The following WBP2NL variants were observed in gnomAD, a reference collection of about 807,000 sequenced individuals.
WBP2NL encodes WBP2 N-terminal like, also known as postacrosomal sheath WW domain-binding protein.
In WBP2NL, 27 loss-of-function variants were observed where a neutral mutation model predicts 23.3. The observed-to-expected ratio is 1.16, with a 90% CI of 0.85 to 1.60. WBP2NL has a LOEUF of 1.60. Among genes scored for constraint, WBP2NL ranks in the 40% most tolerant of loss-of-function variants. The probability of loss-of-function intolerance (pLI) is 0.00; values close to 1 mark genes in which losing one functional copy is unlikely to be tolerated. For missense variants in WBP2NL, 370 were observed against 389.5 expected, an observed-to-expected ratio of 0.95 and a Z score of 0.42; for synonymous variants, 151 against 145.9, an observed-to-expected ratio of 1.03 and a Z score of -0.25.
At chr22:42,020,273 CA>C (rs1923769074) in intron 4 of WBP2NL, among the ~76,000 whole-genome samples, 177 bp downstream of exon 4, 1 of 152,072 alleles carries the variant, frequency 6.6e-6, no homozygotes, top group Non-Finnish European at 1.5e-5. Flanking sequence ...CTCCTGAACT[CA>C]AATGATCCTC....
downstream of WBP2NL, among the ~76,000 whole-genome samples, chr22:42,035,416 G>A (rs780156090): frequency 5.8e-4 from 88 of 152,360 alleles, no homozygotes; most frequent in Non-Finnish European, 1.0e-3. Flanking sequence ...CTGCAGCCAC[G>A]GCTTGGGCGG....
At chr22:42,001,698 A>G (rs1192102159) in intron 1 of WBP2NL, 3 of 1,224,696 alleles carry the variant, frequency 2.4e-6, no homozygotes, top group Non-Finnish European at 3.6e-6. Context: ...TTATCTTTGA[A>G]GGTGAAGTTA....
intron 8 of WBP2NL, among the ~76,000 whole-genome samples, chr22:42,053,598 T>C (rs1351391502): frequency 3.3e-5 from 5 of 152,092 alleles, no homozygotes; most frequent in African/African-American, 4.8e-5. Flanking sequence ...TAGCTGGGAC[T>C]ACAGGTGCAT....
chr22:42,049,502 A>G (rs1925734842), intron 8 of WBP2NL, among the ~76,000 whole-genome samples: 1 of 151,988 alleles, frequency 6.6e-6, no homozygotes, highest in South Asian at 2.1e-4. Flanking sequence ...CATCCTGGCT[A>G]ACACGGTGAA....
At chr22:42,001,942 C>T (rs1165345746) in intron 1 of WBP2NL, 30 of 1,423,134 alleles carry the variant, frequency 2.1e-5, no homozygotes, top group Middle Eastern at 2.5e-4. Context: ...GAGTCCTTGG[C>T]GAAGGACACA....
chr22:42,001,833 A>T, intron 1 of WBP2NL: 1 of 1,322,576 alleles, frequency 7.6e-7, no homozygotes, highest in South Asian at 1.4e-5. Context: ...ATCTGCAGTG[A>T]TCTGCTTGCT....
At chr22:42,020,680 G>A (rs1923811100) in intron 4 of WBP2NL, among the ~76,000 whole-genome samples, 1 of 151,076 alleles carries the variant, frequency 6.6e-6, no homozygotes, top group African/African-American at 2.4e-5. Flanking sequence ...TTTCTTTGGT[G>A]TGGCTTTTTA....
Position 42,028,296 on chromosome 22 carries a change from A to G in WBP2NL, c.*1115A>G. 1 of 382,160 alleles carries G rather than the reference A, an allele frequency of 2.6e-6. No homozygotes were observed. The highest frequency in any genetic ancestry group is 4.6e-6 in the Non-Finnish European group (1 of 216,856). The allele number at this position is 382,160 out of a possible 1,614,324, so 23.7% of individuals were successfully genotyped here. A position where few individuals can be genotyped will look rare whatever the true frequency, so the allele number is the denominator to read the frequency against. ...CTCATCAGACTGAATGCCCCATTTT[A>G]TAACAAATATTTATATTTTATAACA... On this transcript the variant is annotated 3_prime_UTR_variant, in exon 6 of 6. Transcript: ENST00000328823.
chr22:42,021,043 C>T (rs1414393541), intron 4 of WBP2NL, among the ~76,000 whole-genome samples: 4 of 148,772 alleles, frequency 2.7e-5, no homozygotes, highest in Non-Finnish European at 4.5e-5. Flanking sequence ...CCTCAGCCTC[C>T]CAAGTAGCTG....
At chr22:42,051,092 G>A (rs535442846) in intron 8 of WBP2NL, among the ~76,000 whole-genome samples, 3 of 152,356 alleles carry the variant, frequency 2.0e-5, no homozygotes, top group Middle Eastern at 3.4e-3. Flanking sequence ...CAACAAAGAT[G>A]TCCTTGAATA....
downstream of WBP2NL, among the ~76,000 whole-genome samples, chr22:42,037,128 TTGTG>T (rs3045493): frequency 0.15 from 22,661 of 148,056 alleles, 2,006 homozygotes; most frequent in Non-Finnish European, 0.21. Context: ...CAGATTTCAT[TTGTG>T]TGTGTGTGTG....
intron 5 of WBP2NL, among the ~76,000 whole-genome samples, chr22:42,025,039 A>AT (rs767159856): frequency 1.3e-5 from 2 of 152,318 alleles, no homozygotes; most frequent in East Asian, 3.9e-4. Context: ...CTGAGCTCAA[A>AT]TGATCTGCCT....
rs1001515745 is a variant in WBP2NL, at chr22:42,017,912, G to A, written c.63-1399G>A. Among the ~76,000 whole-genome samples the A allele has an allele frequency of 8.5e-5, 13 of 152,072 alleles. 1 individual carries two copies. Among genetic ancestry groups the A allele is most frequent in the South Asian group, 4.1e-4 (2 of 4,826 alleles). On this transcript the variant is annotated intron_variant, in intron 1 of 5. Transcript: ENST00000328823. ...GCCTGTAATCCCAGCACTTTGGGAG[G>A]TCGAGGCGGGCGGATCACCTGAGGT...
chr22:42,043,111 G>A (rs1925457711), intron 8 of WBP2NL, among the ~76,000 whole-genome samples: 1 of 152,126 alleles, frequency 6.6e-6, no homozygotes, highest in Admixed American at 6.5e-5. Context: ...CACTCCTCAG[G>A]AGTGGGTGGG....
chr22:42,038,696 G>A (rs997097232), intron 8 of WBP2NL, among the ~76,000 whole-genome samples: 2 of 151,920 alleles, frequency 1.3e-5, no homozygotes, highest in African/African-American at 2.4e-5. Flanking sequence ...TCCGTCTCCC[G>A]GGTTCACGCC....
chr22:42,042,099 A>C (rs1925419344), intron 8 of WBP2NL, among the ~76,000 whole-genome samples: 1 of 152,174 alleles, frequency 6.6e-6, no homozygotes, highest in Non-Finnish European at 1.5e-5. Context: ...ATCTTTCAAA[A>C]GTTTTTGACT....
chr22:42,037,554 C>T (rs1034640779), downstream of WBP2NL, among the ~76,000 whole-genome samples: 11 of 151,996 alleles, frequency 7.2e-5, no homozygotes, highest in East Asian at 5.8e-4. Flanking sequence ...GACACTTAGA[C>T]GATATTAATT....
intron 1 of WBP2NL, among the ~76,000 whole-genome samples, chr22:42,012,217 T>C (rs1922887833): frequency 6.6e-6 from 1 of 152,186 alleles, no homozygotes; most frequent in South Asian, 2.1e-4. Context: ...TTTATTTATC[T>C]CTGTTCTAAT....
intron 1 of WBP2NL, among the ~76,000 whole-genome samples, chr22:42,017,375 G>A (rs1248193919): frequency 6.6e-6 from 1 of 152,160 alleles, no homozygotes; most frequent in Non-Finnish European, 1.5e-5. Context: ...CTCCCAAAGT[G>A]CTGGGATTAC....
Sources: gnomAD v4.1 joint callset for allele counts (sites outside exome capture counted in the v4.1 genomes callset) on GRCh38, gnomAD v4.1.1 for gene constraint, MANE v1.5 for transcripts, NCBI Gene and HGNC (gene_info 2026-07-23, HGNC 2026-07-21) for gene names.